Variants in CPNE8 observed in about 807,000 individuals in gnomAD.
The protein encoded by CPNE8 is copine 8.
In CPNE8, 45 loss-of-function variants were observed where a neutral mutation model predicts 81.5. The observed-to-expected ratio is 0.55, with a 90% CI of 0.44 to 0.71. The LOEUF (loss-of-function observed/expected upper bound fraction) is 0.71. Among genes scored for constraint, CPNE8 ranks in the 30% least tolerant of loss-of-function variants. The probability of loss-of-function intolerance (pLI) is 0.00; values close to 1 mark genes in which losing one functional copy is unlikely to be tolerated. For missense variants in CPNE8, 594 were observed against 672.1 expected, an observed-to-expected ratio of 0.88 and a Z score of 1.28; for synonymous variants, 252 against 226.3, an observed-to-expected ratio of 1.11 and a Z score of -1.02.
chr12:38,886,293 A>G (rs1944236055), intron 1 of CPNE8, among the ~76,000 whole-genome samples: 1 of 152,152 alleles, frequency 6.6e-6, no homozygotes, highest in South Asian at 2.1e-4. Flanking sequence ...TCTTATCTGT[A>G]AAAAAGGAGA....
chr12:38,741,066 T>A (rs571644539), intron 10 of CPNE8, among the ~76,000 whole-genome samples: 18 of 152,248 alleles, frequency 1.2e-4, no homozygotes, highest in Middle Eastern at 3.4e-3. Flanking sequence ...TCCATGCTCA[T>A]GGATAGGAAG....
chr12:38,750,390 G>A (rs927664841), intron 10 of CPNE8, among the ~76,000 whole-genome samples: 1 of 152,122 alleles, frequency 6.6e-6, no homozygotes, highest in Non-Finnish European at 1.5e-5. Context: ...TGGTAGATCT[G>A]CTGAGAGCTT....
At chr12:38,850,848 A>C (rs1413747963) in intron 3 of CPNE8, among the ~76,000 whole-genome samples, 1 of 152,182 alleles carries the variant, frequency 6.6e-6, no homozygotes, top group African/African-American at 2.4e-5. Context: ...ACTTTTTATT[A>C]GGTTATTTCA....
intron 6 of CPNE8, among the ~76,000 whole-genome samples, chr12:38,797,717 G>C (rs947769622): frequency 6.6e-5 from 10 of 152,168 alleles, no homozygotes; most frequent in Non-Finnish European, 1.5e-5. Flanking sequence ...TTGACGAGTA[G>C]AGAGAGGAAG....
intron 1 of CPNE8, among the ~76,000 whole-genome samples, chr12:38,881,621 C>G (rs1944159726): frequency 6.6e-6 from 1 of 152,158 alleles, no homozygotes; most frequent in South Asian, 2.1e-4. Flanking sequence ...GGGTTAGACA[C>G]TAACAGAAAT....
At chr12:38,746,921 T>C (rs904303449) in intron 10 of CPNE8, among the ~76,000 whole-genome samples, 33 of 152,284 alleles carry the variant, frequency 2.2e-4, no homozygotes, top group African/African-American at 7.5e-4. Context: ...GTATCTTAAT[T>C]AAATGAATGA....
chr12:38,741,918 A>C (rs1175687481), intron 10 of CPNE8, among the ~76,000 whole-genome samples: 1 of 152,238 alleles, frequency 6.6e-6, no homozygotes, highest in Non-Finnish European at 1.5e-5. Context: ...CAGACACATG[A>C]AAAAATGCTC....
At chr12:38,759,442 G>A (rs1216812215) in intron 10 of CPNE8, among the ~76,000 whole-genome samples, 1 of 152,070 alleles carries the variant, frequency 6.6e-6, no homozygotes, top group East Asian at 1.9e-4. Flanking sequence ...AATCCCTATG[G>A]AAAAATAGAA....
At chr12:38,655,206 T>C (rs1938790916) in intron 19 of CPNE8, among the ~76,000 whole-genome samples, 1 of 152,200 alleles carries the variant, frequency 6.6e-6, no homozygotes, top group African/African-American at 2.4e-5. Context: ...ATAAAAATGA[T>C]TACTATATCT....
chr12:38,805,439 C>T (rs2136970011), intron 6 of CPNE8, among the ~76,000 whole-genome samples: 1 of 76,314 alleles, frequency 1.3e-5, no homozygotes, highest in South Asian at 5.6e-4. Flanking sequence ...CATATTCTCA[C>T]TCATAGGTGG....
intron 10 of CPNE8, among the ~76,000 whole-genome samples, chr12:38,756,348 TC>T (rs1941459005): frequency 1.5e-5 from 2 of 137,578 alleles, no homozygotes; most frequent in African/African-American, 5.5e-5. Context: ...TAAAGCATTT[TC>T]CACTTTTTTT....
rs528058805 is a variant in CPNE8, at chr12:38,763,183, G to A, written c.576-967C>T. On this transcript the variant is annotated intron_variant, in intron 8 of 19. Coordinates refer to ENST00000331366, the MANE Select transcript of CPNE8 (RefSeq NM_153634.3). ...GGAGCAATGTCTTTTAAGCAGGTGA[G>A]AGTAGATGGGATCCTGAGCATCAGT... Among the ~76,000 whole-genome samples the A allele has an allele frequency of 4.6e-5, 7 of 152,298 alleles. No individual in the cohort carries two copies. The South Asian group carries it at 1.4e-3, about 32-fold the overall frequency.
At chr12:38,741,930 T>C (rs1941116641) in intron 10 of CPNE8, among the ~76,000 whole-genome samples, 2 of 152,128 alleles carry the variant, frequency 1.3e-5, no homozygotes, top group Non-Finnish European at 2.9e-5. Context: ...AAAATGCTCA[T>C]CATCACTTGC....
At chr12:38,883,094 T>C (rs1339913485) in intron 1 of CPNE8, among the ~76,000 whole-genome samples, 1 of 152,232 alleles carries the variant, frequency 6.6e-6, no homozygotes, top group Non-Finnish European at 1.5e-5. Flanking sequence ...GGCATTTAAA[T>C]AAATCATTTC....
At chr12:38,881,274 T>G (rs1319839245) in intron 1 of CPNE8, among the ~76,000 whole-genome samples, 1 of 151,854 alleles carries the variant, frequency 6.6e-6, no homozygotes, top group Non-Finnish European at 1.5e-5. Flanking sequence ...TCAGCTAGCA[T>G]CTAAGATACC....
chr12:38,689,821 C>T (rs891793690), intron 15 of CPNE8, among the ~76,000 whole-genome samples: 36 of 152,186 alleles, frequency 2.4e-4, no homozygotes, highest in Admixed American at 2.0e-3. Flanking sequence ...ACCAGAGCTC[C>T]GCACTATTGC....
Position 38,762,630 on chromosome 12 carries a change from C to A in CPNE8, c.576-414G>T, listed in dbSNP as rs142143018. ...AAGAAAGAGAAGAGAAACTGAGGCA[C>A]AGTGTGTGAACTTTTAGTCTAGCTG... is the stretch of plus-strand genomic sequence containing the variant. On this transcript the variant is annotated intron_variant, in intron 8 of 19. Transcript: ENST00000331366. Among the ~76,000 whole-genome samples, 750 of 152,094 alleles carry A rather than the reference C, an allele frequency of 4.9e-3. 5 individuals carry two copies. The highest frequency in any genetic ancestry group is 0.017 in the African/African-American group (698 of 41,478).
intron 5 of CPNE8, among the ~76,000 whole-genome samples, chr12:38,834,314 G>A (rs142411016): frequency 6.6e-6 from 1 of 151,982 alleles, no homozygotes; most frequent in African/African-American, 2.4e-5. Context: ...GCTTACTGGG[G>A]GTCTCAAATT....
chr12:38,877,840 A>G (rs1357720093), intron 1 of CPNE8, among the ~76,000 whole-genome samples: 1 of 152,178 alleles, frequency 6.6e-6, no homozygotes, highest in Non-Finnish European at 1.5e-5. Flanking sequence ...GGGGCTAGGT[A>G]AAATAAGGCT....
Sources: gnomAD v4.1 joint callset for allele counts (sites outside exome capture counted in the v4.1 genomes callset) on GRCh38, gnomAD v4.1.1 for gene constraint, MANE v1.5 for transcripts, NCBI Gene and HGNC (gene_info 2026-07-23, HGNC 2026-07-21) for gene names.